The following MUC5AC variants were observed in gnomAD, a reference collection of about 807,000 sequenced individuals.
MUC5AC encodes the protein mucin-5AC.
A neutral mutation model predicts 169.7 loss-of-function variants in MUC5AC; 158 were observed. The observed-to-expected ratio is 0.93, with a 90% confidence interval of 0.82 to 1.06. The LOEUF is 1.06. Among genes scored for constraint, MUC5AC ranks in the 50% least tolerant of loss-of-function variants. The pLI is 0.00. For missense variants in MUC5AC, 4,359 were observed against 3,089.9 expected, an observed-to-expected ratio of 1.41 and a Z score of -9.74; for synonymous variants, 1,975 against 1,237.0, an observed-to-expected ratio of 1.60 and a Z score of -12.52.
intron 6 of MUC5AC, among the ~76,000 whole-genome samples, chr11:1,163,280 C>T (rs1250948411): frequency 6.6e-6 from 1 of 152,230 alleles, no homozygotes; most frequent in Non-Finnish European, 1.5e-5. Context: ...TGTGTGGCTG[C>T]TCTGGGTGGC....
At chr11:1,175,800 C>A (rs1481197956) in intron 19 of MUC5AC, among the ~76,000 whole-genome samples, 2 of 34,134 alleles carry the variant, frequency 5.9e-5, no homozygotes, top group African/African-American at 1.3e-4. Flanking sequence ...GCACTCACAC[C>A]CACCCACTCA....
Position 1,168,673 on chromosome 11 carries a change from C to G in MUC5AC, c.1599C>G (p.Phe533Leu). Residue 533 changes from phenylalanine (F) to leucine (L), a missense_variant, in exon 14 of 49, where the codon TTC (phenylalanine) becomes TTG (leucine). Phe to Leu is a conservative substitution (Grantham distance 22, BLOSUM62 0). Transcript: ENST00000621226. ...TCACCATCTTCAGACCCTCAACCTT[C>G]TTCATCATCGCCCAGACCAGCCTGG... The part of the protein sequence containing the change: ...ANVTIFRPST[F>L]FIIAQTSLGL... 1 of 1,610,804 alleles carries G rather than the reference C, an allele frequency of 6.2e-7. No individual in the cohort carries two copies. The highest frequency in any genetic ancestry group is 1.3e-5 in the African/African-American group (1 of 75,030).
In MUC5AC at chr11:1,185,149, C is replaced by G; in HGVS notation, c.7004C>G (p.Ala2335Gly). 1.4e-6 allele frequency: 1 copy of G among 722,618 alleles called. No individual in the cohort carries two copies. Among genetic ancestry groups the G allele is most frequent in the East Asian group, 2.6e-5 (1 of 38,938 alleles). The allele number at this position is 722,618 out of a possible 1,614,324, so 44.8% of individuals were successfully genotyped here. The change falls in exon 31 of 49, where the codon GCC (alanine) becomes GGC (glycine). Residue 2335 changes from alanine (A) to glycine (G), a missense_variant. Transcript: ENST00000621226. The stretch of plus-strand genomic sequence containing the variant: ...GCCCCTACAACCAGCACAACCTCTG[C>G]CCCTACAAGCAGCACAACCTCTGGT... The part of the protein sequence containing the change: ...TSAPTTSTTS[A>G]PTSSTTSGPG...
At chr11:1,159,332 C>T (rs1011177436) in intron 1 of MUC5AC, among the ~76,000 whole-genome samples, 6 of 152,096 alleles carry the variant, frequency 3.9e-5, no homozygotes, top group African/African-American at 4.8e-5. Context: ...CTGGGCCGGG[C>T]GCCCCTCCCA....
In MUC5AC at chr11:1,175,211, C is replaced by T. The variant is rs1021102513; in HGVS notation, c.2349-7C>T. ...AGGCTGAGGCTCTGACCACCATCTCCTCACAGCACCTGCACACATGGGAAG... is the reference window on the plus strand; with the variant it reads ...AGGCTGAGGCTCTGACCACCATCTCTTCACAGCACCTGCACACATGGGAAG... On this transcript the variant is annotated splice_polypyrimidine_tract_variant and splice_region_variant and intron_variant, in intron 18 of 48. Transcript: ENST00000621226. The T allele has an allele frequency of 5.3e-5, 21 of 398,672 alleles. No individual in the cohort carries two copies. The highest frequency in any genetic ancestry group is 9.3e-5 in the Non-Finnish European group (21 of 226,192). The allele number at this position is 398,672 out of a possible 1,614,324, so 24.7% of individuals were successfully genotyped here.
Position 1,196,404 on chromosome 11 carries a change from C to T in MUC5AC, c.15654C>T (p.Ala5218=), listed in dbSNP as rs768260323. 6.5e-6 allele frequency: 5 copies of T among 764,842 alleles called. No homozygotes were observed. Among genetic ancestry groups the T allele is most frequent in the South Asian group, 2.7e-5 (2 of 74,636 alleles). 47.4% of individuals were successfully genotyped at this position (764,842 alleles called of 1,614,324 possible). The change falls in exon 38 of 49, where the codon GCC becomes GCT. Residue 5218 remains alanine, a synonymous_variant. Transcript: ENST00000621226. The part of the protein sequence containing the change: ...TGHMCPFTCP[A]DKVYQPCGPS... ...TCCCCACAGCATTCACCTGCCCAGC[C>T]GACAAGGTGTACCAGCCCTGCGGCC...
intron 35 of MUC5AC, among the ~76,000 whole-genome samples, 163 bp from the exon 36 acceptor site, chr11:1,194,849 G>A (rs987076824): frequency 6.6e-6 from 1 of 152,146 alleles, no homozygotes; most frequent in African/African-American, 2.4e-5. Context: ...CAGTACCATA[G>A]GGACTGTCCC....
rs766927297 is a variant in MUC5AC, at chr11:1,163,934, C to G, written c.732C>G (p.Pro244=). The G allele has an allele frequency of 3.7e-6, 6 of 1,611,428 alleles. No individual in the cohort carries two copies. The African/African-American group carries it at 8.0e-5, about 22-fold the overall frequency. ...EFGNLQKMDD[P]TDQCQDPVPE... ...GGAACCTGCAGAAGATGGACGACCCCACGGACCAGTGTCAGGACCCTGTCC... is the reference window on the plus strand; with the variant it reads ...GGAACCTGCAGAAGATGGACGACCCGACGGACCAGTGTCAGGACCCTGTCC... The change falls in exon 7 of 49, where the codon CCC becomes CCG. Residue 244 remains proline (P), a synonymous_variant. Coordinates refer to ENST00000621226, the MANE Select transcript of MUC5AC (RefSeq NM_001304359.2).
intron 41 of MUC5AC, 129 bp from the exon 42 acceptor site, chr11:1,197,774 G>A (rs886443032): frequency 1.9e-5 from 12 of 628,494 alleles, no homozygotes; most frequent in Middle Eastern, 4.1e-4. Flanking sequence ...CTCCGCTTCC[G>A]CAACAGCCTC....
chr11:1,161,696 C>G (rs368204329), intron 3 of MUC5AC, 110 bp downstream of exon 3: 3 of 1,340,542 alleles, frequency 2.2e-6, no homozygotes, highest in Non-Finnish European at 3.0e-6. Context: ...CGGGTGAACA[C>G]TGGGTGGGTA....
Position 1,197,571 on chromosome 11 carries a change from C to G in MUC5AC, c.15965C>G (p.Pro5322Arg). The change falls in exon 41 of 49, where the codon CCC becomes CGC. Residue 5322 changes from proline to arginine, a missense_variant. Coordinates refer to ENST00000621226, the MANE Select transcript of MUC5AC (RefSeq NM_001304359.2). ...CTCTGCCCGCTGCCCCCTGCCTGCC[C>G]CCTGCCCGGCTTCGTGCCTGTGCCT... ...PKLCPLPPAC[P>R]LPGFVPVPAA... 1 of 718,476 alleles carries G rather than the reference C, an allele frequency of 1.4e-6. No homozygotes were observed. The highest frequency in any genetic ancestry group is 2.5e-6 in the Non-Finnish European group (1 of 395,176). The allele number at this position is 718,476 out of a possible 1,614,324, so 44.5% of individuals were successfully genotyped here.
intron 28 of MUC5AC, among the ~76,000 whole-genome samples, 160 bp downstream of exon 28, chr11:1,180,676 G>C (rs1302699711): frequency 2.0e-5 from 3 of 152,264 alleles, no homozygotes; most frequent in Admixed American, 1.3e-4. Context: ...TGTGACATCA[G>C]CTTCTCAGGG....
At chr11:1,169,252 C>G (rs1310516573) in intron 15 of MUC5AC, 2 of 840,578 alleles carry the variant, frequency 2.4e-6, no homozygotes, top group Non-Finnish European at 2.9e-6. Flanking sequence ...GGGTACAAGT[C>G]TCTGTTGGTC....
intron 11 of MUC5AC, among the ~76,000 whole-genome samples, chr11:1,167,352 A>C (rs1860365802): frequency 6.6e-6 from 1 of 151,252 alleles, no homozygotes. Flanking sequence ...CCCAACACAC[A>C]GTCTCCCACA....
chr11:1,190,179 A>C lies in MUC5AC; in HGVS notation c.12034A>C (p.Ile4012Leu). Residue 4012 changes from isoleucine (I) to leucine (L), a missense_variant, in exon 31 of 49, where the codon ATC becomes CTC. Physicochemically the swap from Ile to Leu is conservative, Grantham distance 5. Transcript: ENST00000621226. ...CRAESHPEVS[I>L]EHLGQVVQCS... ...AGCCGAGAGCCACCCGGAGGTGAGC[A>C]TCGAACACCTGGGCCAGGTGGTGCA... The C allele has an allele frequency of 1.3e-6, 1 of 764,496 alleles. No individual in the cohort carries two copies. Among genetic ancestry groups the C allele is most frequent in the Non-Finnish European group, 2.4e-6 (1 of 417,678 alleles). The allele number at this position is 764,496 out of a possible 1,614,324, so 47.4% of individuals were successfully genotyped here.
chr11:1,187,483 C>T lies in MUC5AC; in HGVS notation c.9338C>T (p.Thr3113Ile), dbSNP rs1554928236. The change falls in exon 31 of 49, where the codon ACA (threonine) becomes ATA (isoleucine). Residue 3113 changes from threonine (T) to isoleucine (I), a missense_variant. Physicochemically the swap from Thr to Ile is moderately conservative, Grantham distance 89 (BLOSUM62 -1). Coordinates refer to ENST00000621226, the MANE Select transcript of MUC5AC (RefSeq NM_001304359.2). ...ACAACCAGCACAACCTCTGCCTCTA[C>T]AGCCAGCAAAACCTCTGGTCTTGGA... ...APTTSTTSAS[T>I]ASKTSGLGTT... The T allele has an allele frequency of 1.7e-3, 1,244 of 735,778 alleles. 4 individuals are homozygous for T. Among genetic ancestry groups the T allele is most frequent in the Non-Finnish European group, 2.2e-3 (896 of 403,250 alleles). 45.6% of individuals were successfully genotyped at this position (735,778 alleles called of 1,614,324 possible).
chr11:1,186,430 C>T lies in MUC5AC; in HGVS notation c.8285C>T (p.Thr2762Ile), dbSNP rs1860948231. Residue 2762 changes from threonine (T) to isoleucine (I), a missense_variant, in exon 31 of 49, where the codon ACC (threonine) becomes ATC (isoleucine). By Grantham distance (89) the Thr-to-Ile change is moderately conservative. Coordinates refer to ENST00000621226, the MANE Select transcript of MUC5AC (RefSeq NM_001304359.2). Reference sequence around the variant, plus strand: ...ACCAGCACAATCTCTGCCTCTACCACCAGCACAACCTCTGCGACTACAACC... The same window carrying T: ...ACCAGCACAATCTCTGCCTCTACCATCAGCACAACCTCTGCGACTACAACC... The part of the protein sequence containing the change: ...PTTSTISAST[T>I]STTSATTTST... The T allele has an allele frequency of 1.4e-6, 1 of 702,468 alleles. No homozygotes were observed. Among genetic ancestry groups the T allele is most frequent in the African/African-American group, 1.7e-5 (1 of 57,306 alleles). 43.5% of individuals were successfully genotyped at this position (702,468 alleles called of 1,614,324 possible). A position where few individuals can be genotyped will look rare whatever the true frequency, so the allele number is the denominator to read the frequency against.
chr11:1,165,560 G>C (rs55913171), intron 10 of MUC5AC, 62 bp from the exon 11 acceptor site: 3 of 1,602,034 alleles, frequency 1.9e-6, no homozygotes, highest in African/African-American at 1.3e-5. Flanking sequence ...GCCTCCTGAC[G>C]CGGAGGCTGG....
chr11:1,175,800 C>CCACTCACGCACACA (rs1554926826), intron 19 of MUC5AC, among the ~76,000 whole-genome samples: 9 of 34,132 alleles, frequency 2.6e-4, no homozygotes, highest in African/African-American at 6.3e-4. Context: ...GCACTCACAC[C>CCACTCACGCACACA]CACCCACTCA....
Sources: gnomAD v4.1 joint callset for allele counts (sites outside exome capture counted in the v4.1 genomes callset) on GRCh38, gnomAD v4.1.1 for gene constraint, MANE v1.5 for transcripts, NCBI Gene and HGNC (gene_info 2026-07-23, HGNC 2026-07-21) for gene names.